Variants in GRIP1 observed in about 807,000 individuals in gnomAD.
The protein encoded by GRIP1 is glutamate receptor interacting protein 1.
Under a neutral mutation model 129.9 loss-of-function variants are expected in GRIP1, and 45 were observed. That is an observed-to-expected ratio of 0.35 (90% CI 0.27 to 0.44). The LOEUF is 0.44. Among genes scored for constraint, GRIP1 ranks in the 20% least tolerant of loss-of-function variants. GRIP1 has a pLI of 1.00. For synonymous variants in GRIP1, 530 were observed against 520.8 expected (o/e 1.02, Z -0.24); for missense variants, 1,196 against 1,396.8 (o/e 0.86, Z 2.29).
intron 1 of GRIP1, among the ~76,000 whole-genome samples, chr12:66,915,213 T>C (rs558798676): frequency 2.0e-5 from 3 of 152,300 alleles, no homozygotes; most frequent in Non-Finnish European, 4.4e-5. Context: ...GAGTTTTAAC[T>C]CTAAAAGGAA....
chr12:67,030,211 A>AAATAATAAT lies in GRIP1; in HGVS notation c.58+38830_58+38838dup, dbSNP rs67187831. ...GGGTAACAGAGCGAGACTCTGTCTC[A>AAATAATAAT]AATAATAATAATAATAATAATAATA... On this transcript the variant is annotated intron_variant, in intron 1 of 1. Coordinates refer to the GRIP1 transcript ENST00000643019. 4.4e-3 allele frequency among the ~76,000 whole-genome samples: 646 copies of AAATAATAAT among 145,568 alleles called. 5 individuals carry two copies. The highest frequency in any genetic ancestry group is 0.012 in the African/African-American group (485 of 39,890).
chr12:66,393,595 T>C (rs1565695002), intron 17 of GRIP1, among the ~76,000 whole-genome samples: 2 of 152,174 alleles, frequency 1.3e-5, no homozygotes, highest in Non-Finnish European at 2.9e-5. Context: ...CTGAGCTAGG[T>C]TACTGGAGGG....
At chr12:66,959,028 C>T (rs573514994) in intron 1 of GRIP1, among the ~76,000 whole-genome samples, 31 of 152,280 alleles carry the variant, frequency 2.0e-4, no homozygotes, top group African/African-American at 5.3e-4. Context: ...GGATGAACAA[C>T]GTCTTAAATA....
At chr12:66,626,392 C>A (rs1225692797) in intron 1 of GRIP1, among the ~76,000 whole-genome samples, 3 of 144,200 alleles carry the variant, frequency 2.1e-5, no homozygotes, top group African/African-American at 2.5e-5. Flanking sequence ...AAGAGTCAAA[C>A]AAAAGTTCAA....
intron 1 of GRIP1, among the ~76,000 whole-genome samples, chr12:66,965,549 TTGTGTGTGTG>T (rs368637185): frequency 1.8e-3 from 229 of 128,340 alleles, no homozygotes; most frequent in Middle Eastern, 7.9e-3. Flanking sequence ...AAAAGAAACA[TTGTGTGTGTG>T]TGTGTGTGTG....
chr12:67,007,272 G>C (rs1369864373), intron 1 of GRIP1, among the ~76,000 whole-genome samples: 1 of 152,158 alleles, frequency 6.6e-6, no homozygotes, highest in African/African-American at 2.4e-5. Context: ...CTCCGTACCA[G>C]TGTTCAATAT....
At chr12:66,952,923 G>A (rs1439580680) in intron 1 of GRIP1, among the ~76,000 whole-genome samples, 1 of 152,106 alleles carries the variant, frequency 6.6e-6, no homozygotes, top group East Asian at 1.9e-4. Context: ...TCAAGTTTAC[G>A]ATTAGAGCTA....
In GRIP1 at chr12:66,456,280, G is replaced by A. The variant is rs1314076541; in HGVS notation, c.1105C>T (p.Leu369Phe). Residue 369 changes from leucine (L) to phenylalanine (F), a missense_variant, in exon 10 of 25, where the codon CTT (leucine) becomes TTT (phenylalanine). By Grantham distance (22) the Leu-to-Phe change is conservative (BLOSUM62 0). Coordinates refer to ENST00000359742, the MANE Select transcript of GRIP1 (RefSeq NM_001366722.1). Reference protein sequence around the residue: ...WDSWASNHSSLHTNHHYNTYH... With the variant: ...WDSWASNHSSFHTNHHYNTYH... ...GTGTTATAGTGATGGTTGGTGTGAA[G>A]GCTGCTGTGGTTGCTGGCCCAGGAA... is the stretch of plus-strand genomic sequence containing the variant. 7.8e-7 allele frequency: 1 copy of A among 1,289,256 alleles called. No individual in the cohort carries two copies. Among genetic ancestry groups the A allele is most frequent in the Non-Finnish European group, 1.0e-6 (1 of 988,258 alleles). 79.9% of individuals were successfully genotyped at this position (1,289,256 alleles called of 1,614,324 possible).
At chr12:66,922,511 G>A (rs2041229932) in intron 1 of GRIP1, among the ~76,000 whole-genome samples, 2 of 152,236 alleles carry the variant, frequency 1.3e-5, no homozygotes, top group South Asian at 2.1e-4. Flanking sequence ...AAGTGTTGCA[G>A]ACTGCAAGTA....
intron 1 of GRIP1, among the ~76,000 whole-genome samples, chr12:67,038,948 C>G (rs887081784): frequency 6.6e-6 from 1 of 151,934 alleles, no homozygotes; most frequent in Non-Finnish European, 1.5e-5. Context: ...GGCCTAAATA[C>G]GTACCACAGC....
At chr12:66,452,312 C>G (rs1481631373) in intron 11 of GRIP1, among the ~76,000 whole-genome samples, 1 of 152,176 alleles carries the variant, frequency 6.6e-6, no homozygotes, top group East Asian at 1.9e-4. Context: ...TGAGAGGGCT[C>G]CCTCTATGAC....
At chr12:67,027,204 G>A (rs1309558976) in intron 1 of GRIP1, among the ~76,000 whole-genome samples, 1 of 152,196 alleles carries the variant, frequency 6.6e-6, no homozygotes, top group Non-Finnish European at 1.5e-5. Context: ...AGCAACCAGT[G>A]AGCACCTGAA....
chr12:66,678,301 A>G (rs1040415241), intron 1 of GRIP1, among the ~76,000 whole-genome samples: 18 of 152,180 alleles, frequency 1.2e-4, no homozygotes, highest in Non-Finnish European at 1.3e-4. Context: ...CTAGTATTAC[A>G]TAGGACCAAA....
At chr12:66,639,504 A>G (rs1038455263) in intron 1 of GRIP1, among the ~76,000 whole-genome samples, 1 of 152,174 alleles carries the variant, frequency 6.6e-6, no homozygotes, top group African/African-American at 2.4e-5. Flanking sequence ...GGAGGAGCAG[A>G]GATCAAATTT....
intron 1 of GRIP1, among the ~76,000 whole-genome samples, chr12:66,721,153 C>T (rs779085934): frequency 5.3e-5 from 8 of 152,138 alleles, no homozygotes; most frequent in African/African-American, 9.7e-5. Context: ...TCTTGCATCA[C>T]GGTACATTGT....
rs181881864 is a variant in GRIP1, at chr12:66,438,412, G to A, written c.1688-5784C>T. ...CCAGAGAAACAGTAGGGATGATCTC[G>A]GCTCCTGATGCAGTCTGAAGTTCCT... On this transcript the variant is annotated intron_variant, in intron 13 of 24. Transcript: ENST00000359742. 3.2e-4 allele frequency among the ~76,000 whole-genome samples: 49 copies of A among 152,124 alleles called. 2 individuals carry two copies. Among genetic ancestry groups the A allele is most frequent in the Admixed American group, 2.3e-3 (35 of 15,286 alleles).
chr12:66,435,689 TA>T (rs1281174421), intron 13 of GRIP1, among the ~76,000 whole-genome samples: 1 of 152,240 alleles, frequency 6.6e-6, no homozygotes, highest in Admixed American at 6.5e-5. Context: ...GAATAGTTAC[TA>T]CAGCAACATT....
intron 16 of GRIP1, among the ~76,000 whole-genome samples, chr12:66,401,961 A>C (rs1179920529): frequency 6.6e-6 from 1 of 152,074 alleles, no homozygotes; most frequent in Non-Finnish European, 1.5e-5. Context: ...ATGGCCCCCC[A>C]TTGGTTTCTG....
intron 5 of GRIP1, among the ~76,000 whole-genome samples, chr12:66,523,707 A>T (rs1207401813): frequency 1.3e-5 from 2 of 152,128 alleles, no homozygotes; most frequent in Non-Finnish European, 2.9e-5. Flanking sequence ...ATGGGCTAAA[A>T]GCTCCAATTA....
Sources: gnomAD v4.1 joint callset for allele counts (sites outside exome capture counted in the v4.1 genomes callset) on GRCh38, gnomAD v4.1.1 for gene constraint, MANE v1.5 for transcripts, NCBI Gene and HGNC (gene_info 2026-07-23, HGNC 2026-07-21) for gene names.